CRADD: variants seen among roughly 807,000 people sequenced by gnomAD.
The protein encoded by CRADD is CARD and death domain containing adaptor protein.
In CRADD, 9 loss-of-function variants were observed where a neutral mutation model predicts 15.5. The observed-to-expected ratio is 0.58, with a 90% confidence interval of 0.35 to 1.01. The LOEUF (loss-of-function observed/expected upper bound fraction) is 1.01. Ranked by LOEUF, CRADD falls within the 50% of genes least tolerant of loss-of-function variation. The pLI, the probability that CRADD is intolerant of heterozygous loss-of-function variation, is 0.02. For missense variants in CRADD, 227 were observed against 250.3 expected, an observed-to-expected ratio of 0.91 and a Z score of 0.63; for synonymous variants, 118 against 107.6, an observed-to-expected ratio of 1.10 and a Z score of -0.60.
At chr12:93,871,760 G>A (rs1389694377) in intron 2 of CRADD, among the ~76,000 whole-genome samples, 4 of 152,150 alleles carry the variant, frequency 2.6e-5, no homozygotes, top group Non-Finnish European at 5.9e-5. Flanking sequence ...TTTCATTGCT[G>A]AATAGTACTC....
chr12:93,883,590 G>A (rs1464109721), intron 2 of CRADD, among the ~76,000 whole-genome samples: 1 of 152,098 alleles, frequency 6.6e-6, no homozygotes, highest in African/African-American at 2.4e-5. Flanking sequence ...GGCCAAGGTG[G>A]GAGGATCACT....
At chr12:93,813,742 C>A (rs960386903) in intron 2 of CRADD, among the ~76,000 whole-genome samples, 2 of 151,966 alleles carry the variant, frequency 1.3e-5, no homozygotes, top group Admixed American at 6.6e-5. Context: ...CATTAAGGAA[C>A]CACTGTCCTG....
chr12:93,786,523 G>A (rs1957279497), intron 2 of CRADD, among the ~76,000 whole-genome samples: 1 of 152,032 alleles, frequency 6.6e-6, no homozygotes, highest in Admixed American at 6.6e-5. Flanking sequence ...TGTCTTGATG[G>A]CCAGTTGCTC....
At chr12:93,883,506 T>G (rs959876704) in intron 2 of CRADD, among the ~76,000 whole-genome samples, 3 of 152,190 alleles carry the variant, frequency 2.0e-5, no homozygotes, top group African/African-American at 7.2e-5. Context: ...ATAGTCCATC[T>G]CAGACCTCAA....
At chr12:93,705,984 TA>T (rs1406818475) in intron 2 of CRADD, among the ~76,000 whole-genome samples, 1 of 152,242 alleles carries the variant, frequency 6.6e-6, no homozygotes, top group African/African-American at 2.4e-5. Flanking sequence ...AGGCAATGGT[TA>T]TTTTTTTCAT....
chr12:93,756,578 A>ACTG (rs1956892825), intron 2 of CRADD, among the ~76,000 whole-genome samples: 1 of 152,190 alleles, frequency 6.6e-6, no homozygotes, highest in Non-Finnish European at 1.5e-5. Flanking sequence ...TTCCTTGTTC[A>ACTG]CTGCTGCATC....
rs188099591 is a variant in CRADD at position 93,838,367 on chromosome 12, C to T, written c.299-11603C>T. On this transcript the variant is annotated intron_variant, in intron 2 of 2. Transcript: ENST00000332896. ...TTTTTCCAGCCTGGAACAGCCCCGC[C>T]CTACCCCTGACCTCCTCCACTCCAC... 2.5e-3 allele frequency among the ~76,000 whole-genome samples: 374 copies of T among 151,918 alleles called. 1 individual carries two copies. Among genetic ancestry groups the T allele is most frequent in the African/African-American group, 8.4e-3 (349 of 41,416 alleles).
chr12:93,684,888 G>A (rs1331625999), intron 2 of CRADD, among the ~76,000 whole-genome samples: 1 of 152,142 alleles, frequency 6.6e-6, no homozygotes, highest in African/African-American at 2.4e-5. Flanking sequence ...TCCTCCCTGG[G>A]ATGAATCACA....
intron 2 of CRADD, among the ~76,000 whole-genome samples, chr12:93,767,008 A>G (rs939056322): frequency 1.3e-5 from 2 of 152,204 alleles, no homozygotes; most frequent in East Asian, 3.8e-4. Context: ...GTGTGGACAC[A>G]TTTCCAGGAT....
At chr12:93,877,934 G>A (rs1214703910) in intron 2 of CRADD, among the ~76,000 whole-genome samples, 1 of 152,104 alleles carries the variant, frequency 6.6e-6, no homozygotes, top group African/African-American at 2.4e-5. Context: ...TTGTCCCACA[G>A]CCACCACAAC....
chr12:93,847,673 T>TGGGGCAAG lies in CRADD; in HGVS notation c.299-2290_299-2283dup, dbSNP rs199657567. 3.6e-3 allele frequency among the ~76,000 whole-genome samples: 540 copies of TGGGGCAAG among 151,888 alleles called. 9 individuals carry two copies. Among genetic ancestry groups the TGGGGCAAG allele is most frequent in the African/African-American group, 0.012 (515 of 41,412 alleles). On this transcript the variant is annotated intron_variant, in intron 2 of 2. Transcript: ENST00000332896. ...ACAATGCCACCTTAGGACTAAACAA[T>TGGGGCAAG]GGGGCAAGGGGGCATGGATGATTGT...
intron 2 of CRADD, among the ~76,000 whole-genome samples, chr12:93,774,797 C>T (rs1221779196): frequency 6.6e-6 from 1 of 152,126 alleles, no homozygotes; most frequent in Non-Finnish European, 1.5e-5. Flanking sequence ...GATATGGATG[C>T]AATGATGAGC....
intron 2 of CRADD, among the ~76,000 whole-genome samples, chr12:93,734,173 GTCCA>G (rs896401744): frequency 7.3e-5 from 11 of 150,706 alleles, no homozygotes; most frequent in African/African-American, 2.4e-4. Context: ...CCATCCATCC[GTCCA>G]TCCATCCATC....
chr12:93,781,486 C>A (rs1238489800), intron 2 of CRADD, among the ~76,000 whole-genome samples: 1 of 152,160 alleles, frequency 6.6e-6, no homozygotes, highest in Non-Finnish European at 1.5e-5. Flanking sequence ...AAGCAACAAC[C>A]ATTAATGAAT....
At chr12:93,829,794 G>T (rs1001947591) in intron 2 of CRADD, among the ~76,000 whole-genome samples, 2 of 152,132 alleles carry the variant, frequency 1.3e-5, no homozygotes, top group African/African-American at 4.8e-5. Context: ...CCAGGTTCAA[G>T]CAATTCTCAT....
At chr12:93,766,288 A>C (rs1957026550) in intron 2 of CRADD, among the ~76,000 whole-genome samples, 1 of 152,190 alleles carries the variant, frequency 6.6e-6, no homozygotes, top group Non-Finnish European at 1.5e-5. Flanking sequence ...CTGTGCCACC[A>C]TGCAGTGTCT....
intron 2 of CRADD, among the ~76,000 whole-genome samples, chr12:93,692,908 A>G (rs1180367195): frequency 1.3e-5 from 2 of 152,196 alleles, no homozygotes; most frequent in Non-Finnish European, 2.9e-5. Context: ...CTTATAAAGT[A>G]TATACAAAAC....
intron 2 of CRADD, chr12:93,738,078 G>C (rs1486019524): frequency 4.1e-6 from 2 of 482,258 alleles, no homozygotes; most frequent in East Asian, 3.3e-5. Context: ...CGTTTTTACT[G>C]TAAGTGTTGA....
chr12:93,795,953 G>A (rs1957410928), intron 2 of CRADD, among the ~76,000 whole-genome samples: 1 of 152,194 alleles, frequency 6.6e-6, no homozygotes, highest in Non-Finnish European at 1.5e-5. Flanking sequence ...AGGGCATAAG[G>A]AAATTCCTAA....
Sources: gnomAD v4.1 joint callset for allele counts (sites outside exome capture counted in the v4.1 genomes callset) on GRCh38, gnomAD v4.1.1 for gene constraint, MANE v1.5 for transcripts, NCBI Gene and HGNC (gene_info 2026-07-23, HGNC 2026-07-21) for gene names.